Variants in CCDC33 observed in about 807,000 individuals in gnomAD.
The protein encoded by CCDC33 is coiled-coil domain-containing protein 33.
CCDC33 carries 94 observed loss-of-function variants against 91.9 expected under a neutral mutation model. That is an observed-to-expected ratio of 1.02 (90% CI 0.87 to 1.21). CCDC33 has a LOEUF of 1.21. Ranked by LOEUF, CCDC33 falls within the 50% of genes most tolerant of loss-of-function variation. CCDC33 has a pLI of 0.00. For synonymous variants in CCDC33, 396 were observed against 374.5 expected (o/e 1.06, Z -0.66); for missense variants, 940 against 935.5 (o/e 1.00, Z -0.06).
At chr15:74,323,455 C>T (rs2060245599) in intron 11 of CCDC33, among the ~76,000 whole-genome samples, 1 of 152,074 alleles carries the variant, frequency 6.6e-6, no homozygotes, top group South Asian at 2.1e-4. Flanking sequence ...CCAGCCACAC[C>T]CCTCCTCTCC....
Position 74,331,066 on chromosome 15 carries a change from T to C in CCDC33, c.1631T>C (p.Leu544Pro). ...CTGCTGAAGCAGTACCAGGGCAAGC[T>C]GCAGAAGATGAAGGCGCTGGAGGAG... ...AALLKQYQGK[L>P]QKMKALEETV... Residue 544 changes from leucine (L) to proline (P), a missense_variant, in exon 14 of 19, where the codon CTG becomes CCG. Physicochemically the swap from Leu to Pro is moderately conservative, Grantham distance 98 (BLOSUM62 -3). Transcript: ENST00000398814. 6.2e-7 allele frequency: 1 copy of C among 1,613,642 alleles called. No individual in the cohort carries two copies. Among genetic ancestry groups the C allele is most frequent in the Non-Finnish European group, 8.5e-7 (1 of 1,179,752 alleles).
intron 1 of CCDC33, among the ~76,000 whole-genome samples, chr15:74,206,846 T>C (rs1038008929): frequency 1.3e-5 from 2 of 152,232 alleles, no homozygotes; most frequent in African/African-American, 2.4e-5. Flanking sequence ...GTGACCAGCA[T>C]GAACCCACGT....
intron 7 of CCDC33, among the ~76,000 whole-genome samples, chr15:74,275,498 A>C (rs992740019): frequency 3.3e-5 from 5 of 152,124 alleles, no homozygotes; most frequent in Admixed American, 2.0e-4. Flanking sequence ...TTATTGTCAC[A>C]CACCACATCA....
At chr15:74,261,163 G>C (rs1240492500) in intron 2 of CCDC33, among the ~76,000 whole-genome samples, 1 of 152,198 alleles carries the variant, frequency 6.6e-6, no homozygotes, top group Non-Finnish European at 1.5e-5. Context: ...GGAGTCCTCA[G>C]TTGACCCCTG....
At chr15:74,234,916 C>T (rs2142217397), upstream of CCDC33, among the ~76,000 whole-genome samples, 2 of 152,356 alleles carry the variant, frequency 1.3e-5, no homozygotes, top group South Asian at 4.1e-4. Flanking sequence ...ACCTGGCTTG[C>T]ATCTTCAGTC....
At chr15:74,328,741 G>T (rs952361786) in intron 11 of CCDC33, among the ~76,000 whole-genome samples, 1 of 152,212 alleles carries the variant, frequency 6.6e-6, no homozygotes, top group Non-Finnish European at 1.5e-5. Flanking sequence ...GCCATGGCCT[G>T]CCATGCAGCA....
intron 10 of CCDC33, among the ~76,000 whole-genome samples, chr15:74,293,962 T>C (rs370892247): frequency 6.6e-6 from 1 of 152,216 alleles, no homozygotes; most frequent in South Asian, 2.1e-4. Context: ...ACAGCAAATT[T>C]TATTTGAAAG....
chr15:74,312,176 C>T (rs778018203), intron 11 of CCDC33, among the ~76,000 whole-genome samples: 14 of 152,212 alleles, frequency 9.2e-5, no homozygotes, highest in Non-Finnish European at 1.8e-4. Flanking sequence ...GCTTATGTTC[C>T]CCTTGTTCCA....
chr15:74,312,578 C>T (rs2060013060), intron 11 of CCDC33, among the ~76,000 whole-genome samples: 1 of 151,988 alleles, frequency 6.6e-6, no homozygotes. Context: ...GTTCACAGCG[C>T]CTATGTACAC....
upstream of CCDC33, among the ~76,000 whole-genome samples, chr15:74,216,907 A>G (rs1348554221): frequency 6.6e-6 from 1 of 151,938 alleles, no homozygotes; most frequent in East Asian, 2.0e-4. Flanking sequence ...CTTATTTTCC[A>G]TATTTAGTGT....
chr15:74,302,668 G>A (rs2059818854), intron 11 of CCDC33: 1 of 152,290 alleles, frequency 6.6e-6, no homozygotes, highest in Non-Finnish European at 1.5e-5. Context: ...GGTGTTCAGT[G>A]CTTAAACCAA....
intron 2 of CCDC33, among the ~76,000 whole-genome samples, chr15:74,230,209 G>A (rs1365433966): frequency 6.6e-6 from 1 of 152,140 alleles, no homozygotes; most frequent in East Asian, 1.9e-4. Flanking sequence ...GTTTTTTGAA[G>A]CAGAGGAGGG....
Position 74,335,194 on chromosome 15 carries a change from C to T in CCDC33, c.2139+106C>T, listed in dbSNP as rs780461616. The T allele has an allele frequency of 6.8e-5, 61 of 897,764 alleles. No homozygotes were observed. The Admixed American group carries it at 1.0e-3, about 15-fold the overall frequency. The allele number at this position is 897,764 out of a possible 1,614,324, so 55.6% of individuals were successfully genotyped here. A position where few individuals can be genotyped will look rare whatever the true frequency, so the allele number is the denominator to read the frequency against. ...CTGAGAAAAGCCATTGTGGAGCCAA[C>T]TCCAGGGCTGGGGGTCAGGAGTCCT... is the stretch of plus-strand genomic sequence containing the variant. On this transcript the variant is annotated intron_variant, in intron 18 of 18. Coordinates refer to ENST00000398814, the MANE Select transcript of CCDC33 (RefSeq NM_025055.5).
intron 1 of CCDC33, among the ~76,000 whole-genome samples, chr15:74,203,791 A>C (rs1192086509): frequency 6.6e-6 from 1 of 152,126 alleles, no homozygotes; most frequent in Non-Finnish European, 1.5e-5. Flanking sequence ...GGGAAACCAA[A>C]TTTAGTCCAA....
chr15:74,300,103 C>G (rs1329980498), intron 11 of CCDC33: 1 of 152,242 alleles, frequency 6.6e-6, no homozygotes, highest in Non-Finnish European at 1.5e-5. Context: ...GGCTCCATGA[C>G]AAGCACAGGT....
intron 11 of CCDC33, among the ~76,000 whole-genome samples, chr15:74,327,403 G>A (rs2060331727): frequency 1.3e-5 from 2 of 152,214 alleles, no homozygotes; most frequent in Admixed American, 6.5e-5. Context: ...GGGAGGCTGA[G>A]GCGGGCAGAT....
In CCDC33 at chr15:74,312,713, G is replaced by A. The variant is rs903873230; in HGVS notation, c.1290+16765G>A. ...GTGCAACCCTCCTCATACATATAGG[G>A]GCTTCCTGGGCAGGCTCACATCTCC... On this transcript the variant is annotated intron_variant, in intron 11 of 18. Coordinates refer to ENST00000398814, the MANE Select transcript of CCDC33 (RefSeq NM_025055.5). 3.3e-5 allele frequency among the ~76,000 whole-genome samples: 5 copies of A among 152,134 alleles called. No homozygotes were observed. In the South Asian group the frequency reaches 8.3e-4, roughly 25 times the overall value.
chr15:74,222,310 T>A (rs993395934), intron 2 of CCDC33, among the ~76,000 whole-genome samples: 1 of 152,116 alleles, frequency 6.6e-6, no homozygotes, highest in Non-Finnish European at 1.5e-5. Context: ...GGTTCCTTGT[T>A]TGTAGCTCTG....
chr15:74,335,256 C>T (rs1011482666), intron 18 of CCDC33, 168 bp downstream of exon 18: 15 of 728,266 alleles, frequency 2.1e-5, no homozygotes, highest in Middle Eastern at 3.7e-4. Context: ...ACCGAAGGCT[C>T]GGTCTTAATT....
Sources: gnomAD v4.1 joint callset for allele counts (sites outside exome capture counted in the v4.1 genomes callset) on GRCh38, gnomAD v4.1.1 for gene constraint, MANE v1.5 for transcripts, NCBI Gene and HGNC (gene_info 2026-07-23, HGNC 2026-07-21) for gene names.